Variants in XRN2 observed in about 807,000 individuals in gnomAD.
XRN2 encodes DHM1-like protein.
Under a neutral mutation model 138.5 loss-of-function variants are expected in XRN2, and 44 were observed. That is an observed-to-expected ratio of 0.32 (90% CI 0.25 to 0.41). XRN2 has a LOEUF of 0.41. Ranked by LOEUF, XRN2 falls within the 10% of genes least tolerant of loss-of-function variation. The probability of loss-of-function intolerance (pLI) is 1.00; values close to 1 mark genes in which losing one functional copy is unlikely to be tolerated. For synonymous variants in XRN2, 354 were observed against 369.4 expected (o/e 0.96, Z 0.48); for missense variants, 937 against 1,169.3 (o/e 0.80, Z 2.90).
chr20:21,366,342 TC>T (rs2038702715), intron 26 of XRN2, among the ~76,000 whole-genome samples: 4 of 147,932 alleles, frequency 2.7e-5, no homozygotes, highest in Admixed American at 1.4e-4. Flanking sequence ...GATCAGGAGA[TC>T]AAGACCATCC....
At chr20:21,323,242 A>G (rs1056708977) in intron 1 of XRN2, among the ~76,000 whole-genome samples, 2 of 152,206 alleles carry the variant, frequency 1.3e-5, no homozygotes, top group Non-Finnish European at 2.9e-5. Context: ...GGTATCACTC[A>G]TCATTTCTCA....
At chr20:21,366,208 A>G (rs990077295) in intron 26 of XRN2, among the ~76,000 whole-genome samples, 1 of 131,802 alleles carries the variant, frequency 7.6e-6, no homozygotes, top group Non-Finnish European at 1.6e-5. Context: ...GTTTATATAT[A>G]TAATATAGTT....
chr20:21,366,178 AAATATATAT>A (rs2038699305), intron 26 of XRN2, among the ~76,000 whole-genome samples: 1 of 127,296 alleles, frequency 7.9e-6, no homozygotes, highest in Non-Finnish European at 1.6e-5. Flanking sequence ...TAATATATAT[AAATATATAT>A]TATATTTATA....
At chr20:21,349,650 G>A (rs1205432074) in intron 20 of XRN2, among the ~76,000 whole-genome samples, 189 bp downstream of exon 20, 5 of 152,136 alleles carry the variant, frequency 3.3e-5, no homozygotes, top group Non-Finnish European at 1.5e-5. Flanking sequence ...GGCTGAGGTG[G>A]GAGGATTGCT....
At position 21,357,760 on chromosome 20, in the gene XRN2, G is replaced by T. The variant is rs369873705; in HGVS notation, c.2223G>T (p.Met741Ile). The change falls in exon 24 of 30, where the codon ATG (methionine) becomes ATT (isoleucine). Residue 741 changes from methionine to isoleucine, a missense_variant. By Grantham distance (10) the Met-to-Ile change is conservative. This residue lies in a region of XRN2 where 372 missense variants were observed against 414.4 expected (regional missense o/e 0.90). Coordinates refer to ENST00000377191, the MANE Select transcript of XRN2 (RefSeq NM_012255.5). Reference sequence around the variant, plus strand: ...GAATAGTATGTTCTCCTGTTCCTATGTTAAGGGATCTGACACAGAACACTG... The same window carrying T: ...GAATAGTATGTTCTCCTGTTCCTATTTTAAGGGATCTGACACAGAACACTG... ...PDQIVCSPVP[M>I]LRDLTQNTVV... 4.4e-5 allele frequency: 71 copies of T among 1,598,418 alleles called. No individual in the cohort carries two copies. Among genetic ancestry groups the T allele is most frequent in the Non-Finnish European group, 5.9e-5 (69 of 1,172,842 alleles).
At chr20:21,313,952 C>T (rs539563742) in intron 1 of XRN2, among the ~76,000 whole-genome samples, 2 of 152,326 alleles carry the variant, frequency 1.3e-5, no homozygotes, top group East Asian at 3.9e-4. Context: ...CAATAAAATT[C>T]ACCCATTTAA....
At chr20:21,320,271 T>TTATTTATGTATG (rs1555783263) in intron 1 of XRN2, among the ~76,000 whole-genome samples, 1 of 146,248 alleles carries the variant, frequency 6.8e-6, no homozygotes, top group African/African-American at 2.6e-5. Flanking sequence ...CATCATTTAT[T>TTATTTATGTATG]TATTTATGTA....
chr20:21,338,546 C>G (rs1287178495), intron 13 of XRN2, among the ~76,000 whole-genome samples: 1 of 152,098 alleles, frequency 6.6e-6, no homozygotes, highest in Non-Finnish European at 1.5e-5. Flanking sequence ...CTCTTTTCTC[C>G]ATTGTGCCAT....
At chr20:21,368,987 A>G (rs1007181726) in intron 27 of XRN2, among the ~76,000 whole-genome samples, 1 of 152,102 alleles carries the variant, frequency 6.6e-6, no homozygotes, top group African/African-American at 2.4e-5. Context: ...CTGTGCTATC[A>G]AATACTAGAT....
intron 24 of XRN2, among the ~76,000 whole-genome samples, chr20:21,364,011 G>A (rs994566306): frequency 8.6e-5 from 13 of 151,788 alleles, no homozygotes; most frequent in Admixed American, 5.2e-4. Context: ...GGCTCACTGC[G>A]ACCTCTGCCT....
chr20:21,305,265 T>A (rs2037799870), intron 1 of XRN2, among the ~76,000 whole-genome samples: 1 of 152,212 alleles, frequency 6.6e-6, no homozygotes, highest in Non-Finnish European at 1.5e-5. Flanking sequence ...CTTCATTTGT[T>A]TATTTATTTA....
intron 13 of XRN2, 54 bp downstream of exon 13, chr20:21,334,239 G>T: frequency 7.1e-7 from 1 of 1,405,464 alleles, no homozygotes. Context: ...AATAGGCTAT[G>T]ATGATCCTGT....
At chr20:21,340,133 A>G (rs909009550) in intron 14 of XRN2, among the ~76,000 whole-genome samples, 2 of 152,104 alleles carry the variant, frequency 1.3e-5, no homozygotes, top group African/African-American at 4.8e-5. Context: ...TAAAAGTTGT[A>G]TTTCCACAAA....
chr20:21,321,651 T>G (rs915988461), intron 1 of XRN2, among the ~76,000 whole-genome samples: 1 of 152,184 alleles, frequency 6.6e-6, no homozygotes, highest in Admixed American at 6.5e-5. Flanking sequence ...AGCTTTTTTT[T>G]GTTTGTTTTT....
At chr20:21,369,000 TATTC>T (rs2038733478) in intron 27 of XRN2, among the ~76,000 whole-genome samples, 1 of 152,202 alleles carries the variant, frequency 6.6e-6, no homozygotes, top group East Asian at 1.9e-4. Flanking sequence ...TACTAGATCT[TATTC>T]ATTGTTTCTA....
chr20:21,338,439 T>G (rs553126713), intron 13 of XRN2, among the ~76,000 whole-genome samples: 37 of 152,318 alleles, frequency 2.4e-4, no homozygotes, highest in African/African-American at 7.9e-4. Context: ...TAGTAAGCCG[T>G]GCATACACCT....
chr20:21,375,848 T>C (rs912859503), intron 27 of XRN2, among the ~76,000 whole-genome samples: 3 of 151,258 alleles, frequency 2.0e-5, no homozygotes, highest in Non-Finnish European at 4.4e-5. Context: ...TTTATTTATT[T>C]ATTTATTTGA....
intron 20 of XRN2, among the ~76,000 whole-genome samples, 171 bp from the exon 21 acceptor site, chr20:21,354,618 G>C (rs2038553868): frequency 6.6e-6 from 1 of 152,144 alleles, no homozygotes; most frequent in South Asian, 2.1e-4. Flanking sequence ...GCAACTACAG[G>C]GGAAATATTA....
At chr20:21,330,972 A>G (rs1370639522) in intron 6 of XRN2, among the ~76,000 whole-genome samples, 2 of 152,172 alleles carry the variant, frequency 1.3e-5, no homozygotes, top group African/African-American at 4.8e-5. Context: ...AAAAATATAT[A>G]TAGGAAAGTA....
Sources: gnomAD v4.1 joint callset for allele counts (sites outside exome capture counted in the v4.1 genomes callset) on GRCh38, gnomAD v4.1.1 for gene constraint, gnomAD v4.1.1 regional missense constraint, MANE v1.5 for transcripts, NCBI Gene and HGNC (gene_info 2026-07-23, HGNC 2026-07-21) for gene names.